SLC36A1: variants seen among roughly 807,000 people sequenced by gnomAD.
SLC36A1 encodes solute carrier family 36 member 1, also known as proton-coupled amino acid transporter 1.
A neutral mutation model predicts 47.5 loss-of-function variants in SLC36A1; 30 were observed. The ratio of observed to expected loss-of-function variants is 0.63; its 90% confidence interval spans 0.47 to 0.86. The LOEUF (loss-of-function observed/expected upper bound fraction) is 0.86, where lower values mean the gene tolerates loss of function less well. Among genes scored for constraint, SLC36A1 ranks in the 40% least tolerant of loss-of-function variants. The probability of loss-of-function intolerance (pLI) is 0.00; values close to 1 mark genes in which losing one functional copy is unlikely to be tolerated. For missense variants in SLC36A1, 517 were observed against 606.0 expected (o/e 0.85, Z 1.54); for synonymous variants, 255 against 249.7 (o/e 1.02, Z -0.20).
chr5:151,468,968 G>A (rs1756969081), intron 7 of SLC36A1, among the ~76,000 whole-genome samples: 1 of 152,076 alleles, frequency 6.6e-6, no homozygotes, highest in African/African-American at 2.4e-5. Flanking sequence ...GTATACAGAT[G>A]GGTAGAAAAT....
At chr5:151,424,608 A>C in the SLC36A1 span, among the ~76,000 whole-genome samples, 1 of 152,222 alleles carries the variant, frequency 6.6e-6, no homozygotes, top group Admixed American at 6.5e-5. Context: ...CTACAATTTC[A>C]TGAGTCTTAT....
At chr5:151,458,331 T>C (rs1561738024) in intron 1 of SLC36A1, among the ~76,000 whole-genome samples, 135 of 96,012 alleles carry the variant, frequency 1.4e-3, no homozygotes, top group African/African-American at 4.2e-3. Context: ...TATATATATA[T>C]ATGGGATATT....
At chr5:151,543,552 T>G in the SLC36A1 span, 2 of 1,614,196 alleles carry the variant, frequency 1.2e-6, no homozygotes, top group Non-Finnish European at 1.7e-6. Flanking sequence ...ACTTCTCACT[T>G]GCTAGTTTAT....
chr5:151,379,597 G>T, the SLC36A1 span, among the ~76,000 whole-genome samples: 1 of 152,294 alleles, frequency 6.6e-6, no homozygotes, highest in Middle Eastern at 3.4e-3. Flanking sequence ...CTCCCAAAGT[G>T]CTGGGATTAC....
chr5:151,521,642 G>A, the SLC36A1 span: 19 of 1,613,986 alleles, frequency 1.2e-5, no homozygotes, highest in Non-Finnish European at 1.4e-5. Context: ...AACCTCTGCA[G>A]GTTCCGCCAG....
At position 151,465,276 on chromosome 5, in the gene SLC36A1, G is replaced by C. The variant is rs986567622; in HGVS notation, c.419+107G>C. 7.8e-6 allele frequency: 7 copies of C among 892,526 alleles called. No individual in the cohort carries two copies. In the African/African-American group the frequency reaches 1.2e-4, roughly 15 times the overall value. 55.3% of individuals were successfully genotyped at this position (892,526 alleles called of 1,614,324 possible). ...GTAAAGCGTGGAAAGAGTGCTGTTT[G>C]GGTCAGTTGCCTTGGGCTGTGGCTC... On this transcript the variant is annotated intron_variant, in intron 5 of 10. Transcript: ENST00000243389.
chr5:151,386,375 C>T, the SLC36A1 span, among the ~76,000 whole-genome samples: 13 of 152,294 alleles, frequency 8.5e-5, no homozygotes, highest in South Asian at 2.5e-3. Context: ...TGATCCAGAG[C>T]TTTAACTACT....
At chr5:151,377,297 T>TATGAGTGGG in the SLC36A1 span, among the ~76,000 whole-genome samples, 1 of 152,018 alleles carries the variant, frequency 6.6e-6, no homozygotes, top group Non-Finnish European at 1.5e-5. Context: ...TGTCTAATGC[T>TATGAGTGGG]ATGAGTGGGG....
the SLC36A1 span, chr5:151,517,549 C>T: frequency 3.2e-6 from 5 of 1,584,124 alleles, no homozygotes; most frequent in Non-Finnish European, 4.3e-6. Flanking sequence ...CCTGACATTC[C>T]TCATGCCTCA....
In SLC36A1 at chr5:151,483,156, C is replaced by T. The variant is rs189342064; in HGVS notation, c.1159+3667C>T. 3.3e-5 allele frequency among the ~76,000 whole-genome samples: 5 copies of T among 152,304 alleles called. No individual in the cohort carries two copies. In the East Asian group the frequency reaches 9.6e-4, roughly 29 times the overall value. ...CAGCACAGGAGCCATAAATGGCCAG[C>T]GTATTTCGTAAGTTCGCTTTTGTTC... On this transcript the variant is annotated intron_variant, in intron 10 of 10. Transcript: ENST00000243389.
chr5:151,531,380 G>A, the SLC36A1 span, among the ~76,000 whole-genome samples: 480 of 152,156 alleles, frequency 3.2e-3, 1 homozygote, highest in African/African-American at 0.011. This position sits in a 1 kb window ranked among gnomAD's most constrained non-coding sequence, Gnocchi z 5.7. Flanking sequence ...GGAGGGTCCC[G>A]TTTAAGGGAG....
At chr5:151,350,425 G>C in the SLC36A1 span, among the ~76,000 whole-genome samples, 1 of 152,242 alleles carries the variant, frequency 6.6e-6, no homozygotes, top group Admixed American at 6.5e-5. Context: ...TGCCTCTGAA[G>C]CTGCAGTTGA....
At chr5:151,503,800 G>C in the SLC36A1 span, among the ~76,000 whole-genome samples, 2 of 152,108 alleles carry the variant, frequency 1.3e-5, no homozygotes, top group African/African-American at 4.8e-5. Context: ...GCTAGTTAGT[G>C]GACTCATCAC....
At chr5:151,517,765 C>G in the SLC36A1 span, 2 of 1,614,034 alleles carry the variant, frequency 1.2e-6, no homozygotes, top group East Asian at 2.2e-5. Context: ...TGTAGCAGTA[C>G]CTGAGAAAGC....
chr5:151,526,334 C>T, the SLC36A1 span, among the ~76,000 whole-genome samples: 2 of 152,122 alleles, frequency 1.3e-5, no homozygotes, highest in African/African-American at 4.8e-5. Flanking sequence ...GGGAATGTTG[C>T]GATTTGCAAA....
chr5:151,377,226 A>G, the SLC36A1 span, among the ~76,000 whole-genome samples: 1 of 151,960 alleles, frequency 6.6e-6, no homozygotes. Flanking sequence ...TATTTGGTCC[A>G]TTTGGCCTAG....
At chr5:151,496,158 C>T (rs1302557135), downstream of SLC36A1, among the ~76,000 whole-genome samples, 3 of 152,094 alleles carry the variant, frequency 2.0e-5, no homozygotes, top group South Asian at 2.1e-4. Flanking sequence ...GCGCTGTTCT[C>T]GTGATGGTGA....
chr5:151,349,118 G>A, the SLC36A1 span, among the ~76,000 whole-genome samples: 1 of 152,158 alleles, frequency 6.6e-6, no homozygotes, highest in Non-Finnish European at 1.5e-5. Context: ...ATTTGATGTC[G>A]CAGGTGGAGC....
the SLC36A1 span, among the ~76,000 whole-genome samples, chr5:151,361,363 C>T: frequency 6.6e-6 from 1 of 152,136 alleles, no homozygotes; most frequent in African/African-American, 2.4e-5. Context: ...TTGAGCTGAA[C>T]AAACAACTCG....
Sources: gnomAD v4.1 joint callset for allele counts (sites outside exome capture counted in the v4.1 genomes callset) on GRCh38, gnomAD v4.1.1 for gene constraint, Gnocchi (gnomAD v3.1) non-coding constraint, MANE v1.5 for transcripts, NCBI Gene and HGNC (gene_info 2026-07-23, HGNC 2026-07-21) for gene names.